The following PACS1 variants were observed in gnomAD, a reference collection of about 807,000 sequenced individuals.
PACS1 encodes the protein PACS-1.
A neutral mutation model predicts 115.0 loss-of-function variants in PACS1; 24 were observed. The observed-to-expected ratio is 0.21, with a 90% CI of 0.15 to 0.29. PACS1 has a LOEUF of 0.29. Among genes scored for constraint, PACS1 ranks in the 10% least tolerant of loss-of-function variants. PACS1 has a pLI of 1.00. For synonymous variants in PACS1, 453 were observed against 504.5 expected (o/e 0.90, Z 1.37); for missense variants, 838 against 1,251.2 (o/e 0.67, Z 4.98).
In PACS1 at chr11:66,227,578, C is replaced by T; in HGVS notation, c.1368C>T (p.Asp456=). ...AAGATGACAGCTTGACTGAAACAGA[C>T]ACTCTGGTATGTATGGGTCAGTTTC... ...KNQDDSLTET[D]TLEITDQDMF... Residue 456 remains aspartate (D), a synonymous_variant, in exon 11 of 24, where the codon GAC becomes GAT. Coordinates refer to ENST00000320580, the MANE Select transcript of PACS1 (RefSeq NM_018026.4). 6.2e-7 allele frequency: 1 copy of T among 1,604,924 alleles called. No homozygotes were observed. Among genetic ancestry groups the T allele is most frequent in the Non-Finnish European group, 8.5e-7 (1 of 1,172,608 alleles).
chr11:66,202,726 G>GGGGAAAAAAAAAAAAAAAAAAAA (rs1554988658), intron 2 of PACS1, among the ~76,000 whole-genome samples: 1 of 10,964 alleles, frequency 9.1e-5, no homozygotes, highest in African/African-American at 2.4e-4. Context: ...TCATCTCTAG[G>GGGGAAAAAAAAAAAAAAAAAAAA]AAAAAAAAAA....
intron 1 of PACS1, among the ~76,000 whole-genome samples, chr11:66,078,378 G>A (rs1857429361): frequency 6.6e-6 from 1 of 151,922 alleles, no homozygotes. Flanking sequence ...TTTGTAGTCT[G>A]TGTAACTCCT....
At chr11:66,182,290 A>G (rs184713362) in intron 1 of PACS1, among the ~76,000 whole-genome samples, 47 of 152,306 alleles carry the variant, frequency 3.1e-4, no homozygotes, top group Non-Finnish European at 6.6e-4. Flanking sequence ...ATGTCCCTCT[A>G]CTTCATAGAA....
chr11:66,086,624 C>A (rs1373920390), intron 1 of PACS1, among the ~76,000 whole-genome samples: 1 of 151,830 alleles, frequency 6.6e-6, no homozygotes, highest in Non-Finnish European at 1.5e-5. Context: ...CACCTTTTTT[C>A]TTTTCCCTTG....
chr11:66,126,469 A>G (rs952584445), intron 1 of PACS1, among the ~76,000 whole-genome samples: 3 of 152,210 alleles, frequency 2.0e-5, no homozygotes, highest in Non-Finnish European at 2.9e-5. Flanking sequence ...GAACTGGGAA[A>G]CAAACAAAAA....
chr11:66,220,580 A>G, intron 8 of PACS1, 51 bp from the exon 9 acceptor site: 2 of 1,606,474 alleles, frequency 1.2e-6, no homozygotes, highest in Non-Finnish European at 1.7e-6. Flanking sequence ...TCATCAACCA[A>G]AATTGTTAAT....
chr11:66,224,415 TGAG>T (rs1470529735), intron 10 of PACS1, among the ~76,000 whole-genome samples: 1 of 152,092 alleles, frequency 6.6e-6, no homozygotes, highest in Admixed American at 6.5e-5. Context: ...CCCAAGGTAG[TGAG>T]GAGATGGAAC....
At chr11:66,096,757 C>T (rs1220938065) in intron 1 of PACS1, among the ~76,000 whole-genome samples, 1 of 152,054 alleles carries the variant, frequency 6.6e-6, no homozygotes, top group East Asian at 1.9e-4. Flanking sequence ...CCCACCTCGG[C>T]CTCCCAAAGT....
chr11:66,094,687 C>A (rs1857737309), intron 1 of PACS1, among the ~76,000 whole-genome samples: 1 of 152,204 alleles, frequency 6.6e-6, no homozygotes. Context: ...TCCTCCCTAA[C>A]TCATTTTATG....
chr11:66,214,032 CAAAAAAAAAAAA>C (rs71036278), intron 4 of PACS1, among the ~76,000 whole-genome samples: 5 of 42,982 alleles, frequency 1.2e-4, no homozygotes, highest in African/African-American at 3.4e-4. Flanking sequence ...GACTCCATCT[CAAAAAAAAAAAA>C]AAAAAAAAAA....
intron 21 of PACS1, 87 bp downstream of exon 21, chr11:66,239,364 G>A: frequency 6.7e-7 from 1 of 1,484,070 alleles, no homozygotes; most frequent in African/African-American, 1.4e-5. Flanking sequence ...GGCTTAGAAG[G>A]TAGCCACAGG....
At chr11:66,214,303 C>T (rs1444771899) in intron 4 of PACS1, among the ~76,000 whole-genome samples, 9 of 152,124 alleles carry the variant, frequency 5.9e-5, no homozygotes, top group Admixed American at 3.3e-4. Flanking sequence ...AGTGAATTCC[C>T]GCCAGCACCC....
At position 66,070,668 on chromosome 11, in the gene PACS1, C is replaced by G. The variant is rs1857292280; in HGVS notation, c.182C>G (p.Ser61Trp). The part of the protein sequence containing the change: ...AQATSSSSST[S>W]AAAASSSSSS... ...GCCACCTCGTCGTCCTCGTCCACCTCGGCGGCGGCTGCCTCCTCCTCGTCC... is the reference window on the plus strand; with the variant it reads ...GCCACCTCGTCGTCCTCGTCCACCTGGGCGGCGGCTGCCTCCTCCTCGTCC... Residue 61 changes from serine to tryptophan, a missense_variant, in exon 1 of 24, where the codon TCG (serine) becomes TGG (tryptophan). This residue lies in a region of PACS1 where 129 missense variants were observed against 109.4 expected (regional missense o/e 1.18). Coordinates refer to ENST00000320580, the MANE Select transcript of PACS1 (RefSeq NM_018026.4). The surrounding 1 kb of genome is among the most constrained non-coding windows in gnomAD (Gnocchi z 5.9). 1 of 1,570,786 alleles carries G rather than the reference C, an allele frequency of 6.4e-7. No homozygotes were observed.
chr11:66,216,539 C>CAATTAT lies in PACS1; in HGVS notation c.826_831dup (p.Asn276_Tyr277dup). On this transcript the variant is annotated inframe_insertion, in exon 6 of 24. Transcript: ENST00000320580. ...TTGCAGATCGTTCTCCTGATATTGA[C>CAATTAT]AATTATTCTGAGGAAGAGGAAGAGA... is the stretch of plus-strand genomic sequence containing the variant. 6.2e-7 allele frequency: 1 copy of CAATTAT among 1,613,840 alleles called. No individual in the cohort carries two copies.
chr11:66,208,659 A>T (rs945060024), intron 2 of PACS1, among the ~76,000 whole-genome samples: 23 of 61,572 alleles, frequency 3.7e-4, no homozygotes, highest in Middle Eastern at 0.012. Flanking sequence ...TCTTTTTATT[A>T]AAAAAAAAAA....
In PACS1 at chr11:66,220,717, G is replaced by A. The variant is rs371920227; in HGVS notation, c.1125G>A (p.Met375Ile). Residue 375 changes from methionine to isoleucine, a missense_variant, in exon 9 of 24, where the codon ATG becomes ATA. Transcript: ENST00000320580. ...DLDELYDSLE[M>I]YNPSDSGPEM... ...ATGAATTGTATGACAGTCTGGAGAT[G>A]TACAACCCCAGCGACAGTGGCCCTG... 1.9e-6 allele frequency: 3 copies of A among 1,614,044 alleles called. No individual in the cohort carries two copies. Among genetic ancestry groups the A allele is most frequent in the Non-Finnish European group, 2.5e-6 (3 of 1,180,026 alleles).
intron 1 of PACS1, among the ~76,000 whole-genome samples, chr11:66,074,771 G>A (rs916662298): frequency 5.3e-5 from 8 of 152,094 alleles, no homozygotes; most frequent in African/African-American, 1.9e-4. Flanking sequence ...AGCTGAGTTG[G>A]CATGACTGGT....
At chr11:66,242,505 G>C (rs1855834854) in intron 22 of PACS1, among the ~76,000 whole-genome samples, 1 of 152,198 alleles carries the variant, frequency 6.6e-6, no homozygotes, top group Non-Finnish European at 1.5e-5. Context: ...AGTGGAACAG[G>C]GAGCACTCCC....
At chr11:66,104,061 T>C (rs1214464113) in intron 1 of PACS1, among the ~76,000 whole-genome samples, 2 of 152,082 alleles carry the variant, frequency 1.3e-5, no homozygotes, top group East Asian at 3.9e-4. Flanking sequence ...ACAATACCAT[T>C]ATCTCTCCTA....
Sources: allele counts gnomAD v4.1 joint callset (sites outside exome capture counted in the v4.1 genomes callset), GRCh38; gene constraint gnomAD v4.1.1; regional missense constraint gnomAD v4.1.1; non-coding constraint Gnocchi (gnomAD v3.1); transcripts MANE v1.5; gene names NCBI Gene and HGNC (gene_info 2026-07-23, HGNC 2026-07-21).